The following RTF1 variants were observed in gnomAD, a reference collection of about 807,000 sequenced individuals.
RTF1 encodes RNA polymerase-associated protein RTF1 homolog.
RTF1 carries 10 observed loss-of-function variants against 95.7 expected under a neutral mutation model. That is an observed-to-expected ratio of 0.10 (90% CI 0.06 to 0.18). The LOEUF is 0.18. Among genes scored for constraint, RTF1 ranks in the 10% least tolerant of loss-of-function variants. The probability of loss-of-function intolerance (pLI) is 1.00; values close to 1 mark genes in which losing one functional copy is unlikely to be tolerated. For synonymous variants in RTF1, 305 were observed against 311.8 expected, an observed-to-expected ratio of 0.98 and a Z score of 0.23; for missense variants, 458 against 875.6, an observed-to-expected ratio of 0.52 and a Z score of 6.02.
At chr15:41,463,833 G>T (rs1322512259) in intron 4 of RTF1, among the ~76,000 whole-genome samples, 1 of 151,898 alleles carries the variant, frequency 6.6e-6, no homozygotes, top group African/African-American at 2.4e-5. Flanking sequence ...GTCTTTCATT[G>T]TGTGTTTTTT....
intron 2 of RTF1, 53 bp from the exon 3 acceptor site, chr15:41,452,848 C>T (rs2050795523): frequency 1.5e-6 from 2 of 1,343,004 alleles, no homozygotes; most frequent in African/African-American, 3.0e-5. Flanking sequence ...CCAGCTTTTC[C>T]CAATAAAGTC....
chr15:41,464,260 T>C (rs937582475), intron 4 of RTF1, among the ~76,000 whole-genome samples: 8 of 150,692 alleles, frequency 5.3e-5, no homozygotes, highest in Non-Finnish European at 1.0e-4. Flanking sequence ...CTCTCTCTTT[T>C]TTTTTTTTTG....
chr15:41,441,560 C>T (rs551716950), intron 2 of RTF1, among the ~76,000 whole-genome samples: 1 of 152,032 alleles, frequency 6.6e-6, no homozygotes, highest in Admixed American at 6.6e-5. Context: ...TAGAGGAGCC[C>T]ACAACTTGTG....
intron 1 of RTF1, among the ~76,000 whole-genome samples, chr15:41,421,139 A>G (rs952193478): frequency 1.3e-5 from 2 of 151,978 alleles, no homozygotes; most frequent in African/African-American, 4.8e-5. Flanking sequence ...GTAGGCAACA[A>G]AGTGAGACCT....
chr15:41,442,941 TTG>T (rs1226473603), intron 2 of RTF1, among the ~76,000 whole-genome samples: 1 of 152,186 alleles, frequency 6.6e-6, no homozygotes, highest in Non-Finnish European at 1.5e-5. Flanking sequence ...GAAGCCCTCC[TTG>T]TACCAGAAGC....
chr15:41,464,484 C>T (rs1385159680), intron 4 of RTF1, among the ~76,000 whole-genome samples: 1 of 151,948 alleles, frequency 6.6e-6, no homozygotes, highest in Admixed American at 6.6e-5. Context: ...CTTGATCCCC[C>T]CGCCTCGGCC....
At chr15:41,466,966 T>C (rs542574932) in intron 6 of RTF1, among the ~76,000 whole-genome samples, 1 of 152,322 alleles carries the variant, frequency 6.6e-6, no homozygotes, top group South Asian at 2.1e-4. Context: ...GTTGTTGTCA[T>C]TGTTGCTTGT....
rs963274576 is a variant in RTF1 at position 41,476,432 on chromosome 15, C to G, written c.1483-14C>G. 3 of 1,610,042 alleles carry G rather than the reference C, an allele frequency of 1.9e-6. No homozygotes were observed. In the Admixed American group the frequency reaches 5.0e-5, roughly 27 times the overall value. On this transcript the variant is annotated splice_polypyrimidine_tract_variant and intron_variant, in intron 11 of 17. Coordinates refer to ENST00000389629, the MANE Select transcript of RTF1 (RefSeq NM_015138.5). ...TAGGAATACCTCACTGCTGGTATCT[C>G]CTCTCTGGTACAGATTGTAAAAGAG...
rs899343288 is a variant in RTF1, at chr15:41,417,127, C to T, written c.12C>T (p.Arg4=). 5.6e-6 allele frequency: 7 copies of T among 1,250,150 alleles called. No individual in the cohort carries two copies. The highest frequency in any genetic ancestry group is 7.8e-5 in the South Asian group (2 of 25,700). The allele number at this position is 1,250,150 out of a possible 1,614,324, so 77.4% of individuals were successfully genotyped here. A position where few individuals can be genotyped will look rare whatever the true frequency, so the allele number is the denominator to read the frequency against. ...GGAGCGGAGCGCGCATGCGCGGTCG[C>T]CTTTGTGTGGGTCGAGCAGCGGCGG... The part of the protein sequence containing the change: MRG[R]LCVGRAAAAA... Residue 4 remains arginine, a synonymous_variant, in exon 1 of 18, where the codon CGC becomes CGT. Transcript: ENST00000389629.
intron 16 of RTF1, among the ~76,000 whole-genome samples, chr15:41,479,778 G>C (rs527267515): frequency 1.1e-4 from 17 of 151,562 alleles, no homozygotes; most frequent in Non-Finnish European, 1.8e-4. Context: ...CAGGAAAATC[G>C]CGTGAACCTG....
intron 1 of RTF1, among the ~76,000 whole-genome samples, chr15:41,433,407 T>A (rs188566125): frequency 6.6e-6 from 1 of 152,240 alleles, no homozygotes; most frequent in East Asian, 1.9e-4. Flanking sequence ...TGATCTTTGC[T>A]CACCGCAACC....
intron 1 of RTF1, among the ~76,000 whole-genome samples, chr15:41,437,292 G>A (rs1336165631): frequency 1.3e-5 from 2 of 151,666 alleles, no homozygotes; most frequent in East Asian, 1.9e-4. Flanking sequence ...TCAGGAGATC[G>A]AGAGCATCCT....
In RTF1 at chr15:41,480,868, T is replaced by A. The variant is rs2050968869; in HGVS notation, c.*181T>A. 1 of 592,550 alleles carries A rather than the reference T, an allele frequency of 1.7e-6. No individual in the cohort carries two copies. Among genetic ancestry groups the A allele is most frequent in the East Asian group, 2.8e-5 (1 of 35,590 alleles). 36.7% of individuals were successfully genotyped at this position (592,550 alleles called of 1,614,324 possible). A position where few individuals can be genotyped will look rare whatever the true frequency, so the allele number is the denominator to read the frequency against. On this transcript the variant is annotated 3_prime_UTR_variant, in exon 18 of 18. Transcript: ENST00000389629. ...ATAGACCTCCTTTGTCTGCACACCA[T>A]CTCCCACCAGCCTCCCCTCCCCCAG...
At chr15:41,426,180 C>T (rs1359411475) in intron 1 of RTF1, among the ~76,000 whole-genome samples, 1 of 152,050 alleles carries the variant, frequency 6.6e-6, no homozygotes, top group Non-Finnish European at 1.5e-5. Flanking sequence ...GGCTGGAGTG[C>T]AGTGACACCA....
At chr15:41,449,230 T>TTTC (rs1467246629) in intron 2 of RTF1, among the ~76,000 whole-genome samples, 2 of 141,474 alleles carry the variant, frequency 1.4e-5, no homozygotes, top group Non-Finnish European at 3.1e-5. Context: ...CAGGTGAATT[T>TTTC]TTTTTTTTTT....
In RTF1 at chr15:41,482,139, T is replaced by A. The variant is rs913427796; in HGVS notation, c.*1452T>A. 6.6e-6 allele frequency: 1 copy of A among 152,442 alleles called. No individual in the cohort carries two copies. The highest frequency in any genetic ancestry group is 1.5e-5 in the Non-Finnish European group (1 of 68,048). 9.4% of individuals were successfully genotyped at this position (152,442 alleles called of 1,614,324 possible). A position where few individuals can be genotyped will look rare whatever the true frequency, so the allele number is the denominator to read the frequency against. On this transcript the variant is annotated 3_prime_UTR_variant, in exon 18 of 18. Coordinates refer to ENST00000389629, the MANE Select transcript of RTF1 (RefSeq NM_015138.5). The stretch of plus-strand genomic sequence containing the variant: ...GCAGTTTTGTGTGTGTGTATACATA[T>A]ATATGGTCAGCATATATATTGTGCA...
chr15:41,430,303 C>CCAGCCT (rs2050662982), intron 1 of RTF1, among the ~76,000 whole-genome samples: 1 of 151,384 alleles, frequency 6.6e-6, no homozygotes, highest in African/African-American at 2.4e-5. Context: ...AAGCGATTCT[C>CCAGCCT]CAGCCTCAGC....
At chr15:41,420,325 C>T (rs1490948344) in intron 1 of RTF1, among the ~76,000 whole-genome samples, 1 of 152,158 alleles carries the variant, frequency 6.6e-6, no homozygotes, top group African/African-American at 2.4e-5. Context: ...TTCAGTTTGT[C>T]TGTTCAGCAC....
chr15:41,417,224 CG>C lies in RTF1; in HGVS notation c.114del (p.Thr39ProfsTer4). On this transcript the variant is annotated frameshift_variant, in exon 1 of 18. Transcript: ENST00000389629. LOFTEE classifies it high-confidence loss of function. ...TCCGGGCGGCGGCCGGCGTGGGAGC[CG>C]GGGGACCACCATGGTAAAGAAGCGG... is the stretch of plus-strand genomic sequence containing the variant. ...GSPGGGRRGS[R>X]GTTMVKKRKG... is the part of the protein sequence containing the mutation. 2 of 1,259,716 alleles carry C rather than the reference CG, an allele frequency of 1.6e-6. No individual in the cohort carries two copies. The highest frequency in any genetic ancestry group is 3.1e-5 in the East Asian group (1 of 31,948). 78.0% of individuals were successfully genotyped at this position (1,259,716 alleles called of 1,614,324 possible).
Sources: allele counts gnomAD v4.1 joint callset (sites outside exome capture counted in the v4.1 genomes callset), GRCh38; gene constraint gnomAD v4.1.1; transcripts MANE v1.5; gene names NCBI Gene and HGNC (gene_info 2026-07-23, HGNC 2026-07-21).